DLGAP1: variants seen among roughly 807,000 people sequenced by gnomAD.
The protein encoded by DLGAP1 is disks large-associated protein 1.
A neutral mutation model predicts 90.8 loss-of-function variants in DLGAP1; 11 were observed. That is an observed-to-expected ratio of 0.12 (90% CI 0.08 to 0.20). The LOEUF (loss-of-function observed/expected upper bound fraction) is 0.20. Ranked by LOEUF, DLGAP1 falls within the 10% of genes least tolerant of loss-of-function variation. DLGAP1 has a pLI of 1.00. For missense variants in DLGAP1, 1,050 were observed against 1,333.8 expected, an observed-to-expected ratio of 0.79 and a Z score of 3.31; for synonymous variants, 558 against 540.7, an observed-to-expected ratio of 1.03 and a Z score of -0.44.
chr18:3,873,238 C>A (rs776075618), intron 4 of DLGAP1, among the ~76,000 whole-genome samples: 1 of 152,020 alleles, frequency 6.6e-6, no homozygotes, highest in East Asian at 1.9e-4. Flanking sequence ...CAGAATTCTG[C>A]TGCTGATCAC....
intron 4 of DLGAP1, among the ~76,000 whole-genome samples, chr18:3,851,215 A>G (rs1292315405): frequency 6.6e-6 from 1 of 152,106 alleles, no homozygotes. Flanking sequence ...ATCCAAGAGG[A>G]AAGTGCTGCA....
At chr18:4,386,989 T>C (rs2082241389) in intron 1 of DLGAP1, among the ~76,000 whole-genome samples, 1 of 152,066 alleles carries the variant, frequency 6.6e-6, no homozygotes, top group Admixed American at 6.6e-5. Context: ...TAAGTAAGAG[T>C]AAACTACCTT....
chr18:4,390,709 C>G (rs998595844), intron 1 of DLGAP1, among the ~76,000 whole-genome samples: 1 of 152,094 alleles, frequency 6.6e-6, no homozygotes, highest in African/African-American at 2.4e-5. Context: ...GAATAATATT[C>G]CACTGTCTGG....
intron 3 of DLGAP1, among the ~76,000 whole-genome samples, chr18:3,917,068 C>T (rs1042634177): frequency 3.9e-5 from 6 of 152,148 alleles, no homozygotes; most frequent in Non-Finnish European, 5.9e-5. Flanking sequence ...ACAAAATAGG[C>T]TTTGTGTTAG....
intron 2 of DLGAP1, among the ~76,000 whole-genome samples, chr18:4,038,297 T>G (rs577725774): frequency 6.6e-6 from 1 of 152,246 alleles, no homozygotes; most frequent in Non-Finnish European, 1.5e-5. Flanking sequence ...TTGCCAGAAT[T>G]GGTAACCTTT....
At chr18:4,361,129 G>T (rs1244628612) in intron 1 of DLGAP1, among the ~76,000 whole-genome samples, 2 of 152,122 alleles carry the variant, frequency 1.3e-5, no homozygotes, top group African/African-American at 4.8e-5. Flanking sequence ...AATTTCAGAA[G>T]AGGGCTTCAG....
intron 4 of DLGAP1, among the ~76,000 whole-genome samples, chr18:3,855,237 A>G (rs2069568512): frequency 6.6e-6 from 1 of 152,174 alleles, no homozygotes; most frequent in South Asian, 2.1e-4. Context: ...CATTAAGTAC[A>G]TATGGACACA....
At chr18:3,911,889 G>A (rs1195504427) in intron 3 of DLGAP1, among the ~76,000 whole-genome samples, 3 of 152,224 alleles carry the variant, frequency 2.0e-5, no homozygotes, top group Non-Finnish European at 2.9e-5. Context: ...GCATACAGCA[G>A]TGAAAAGTCA....
intron 3 of DLGAP1, among the ~76,000 whole-genome samples, chr18:3,968,166 T>C (rs2148998506): frequency 6.6e-6 from 1 of 152,328 alleles, no homozygotes; most frequent in South Asian, 2.1e-4. Flanking sequence ...GAGCATAAAT[T>C]TACTGGGACC....
intron 4 of DLGAP1, among the ~76,000 whole-genome samples, chr18:3,848,185 C>G (rs1281463497): frequency 1.4e-5 from 1 of 73,868 alleles, no homozygotes; most frequent in African/African-American, 5.6e-5. Flanking sequence ...ACAAAAAAGA[C>G]TTTTTAAAAG....
At chr18:4,146,720 T>C (rs115223782) in intron 2 of DLGAP1, among the ~76,000 whole-genome samples, 1,762 of 152,236 alleles carry the variant, frequency 0.012, 40 homozygotes, top group African/African-American at 0.04. Flanking sequence ...AATTATGAGA[T>C]ACATTAAAAA....
chr18:3,874,186 C>T (rs1408677643), intron 4 of DLGAP1: 36 of 1,550,010 alleles, frequency 2.3e-5, no homozygotes, highest in Non-Finnish European at 3.0e-5. Context: ...GAAACTTGCA[C>T]ACAAACTGAA....
At chr18:3,608,041 G>T (rs1315124815) in intron 7 of DLGAP1, 1 of 152,262 alleles carries the variant, frequency 6.6e-6, no homozygotes, top group African/African-American at 2.4e-5. Flanking sequence ...GGCCTAAGAA[G>T]ACCAGCTCAG....
chr18:4,174,489 C>A (rs2077074238), intron 1 of DLGAP1, among the ~76,000 whole-genome samples: 1 of 152,006 alleles, frequency 6.6e-6, no homozygotes, highest in African/African-American at 2.4e-5. Flanking sequence ...CGCCCACCAC[C>A]ACGCCCGGCT....
At chr18:4,401,597 C>T (rs1471014844) in intron 1 of DLGAP1, among the ~76,000 whole-genome samples, 1 of 152,096 alleles carries the variant, frequency 6.6e-6, no homozygotes, top group Non-Finnish European at 1.5e-5. Context: ...AAAGCATAAT[C>T]CCGTTGATCA....
At chr18:4,109,352 C>T (rs1035878033) in intron 2 of DLGAP1, among the ~76,000 whole-genome samples, 3 of 152,004 alleles carry the variant, frequency 2.0e-5, no homozygotes, top group Admixed American at 1.3e-4. Context: ...AGTGATATCT[C>T]CTCATCTTCA....
chr18:4,369,247 ATT>A (rs1225919075), intron 1 of DLGAP1, among the ~76,000 whole-genome samples: 4 of 152,126 alleles, frequency 2.6e-5, no homozygotes, highest in African/African-American at 9.7e-5. Context: ...ATATGTGTGT[ATT>A]TGACTATATA....
At chr18:3,915,860 A>G (rs2072131248) in intron 3 of DLGAP1, among the ~76,000 whole-genome samples, 1 of 152,110 alleles carries the variant, frequency 6.6e-6, no homozygotes, top group African/African-American at 2.4e-5. Context: ...GCTTTTAGGA[A>G]AGAATAGTAA....
intron 2 of DLGAP1, among the ~76,000 whole-genome samples, chr18:4,066,403 T>C (rs1365841823): frequency 1.3e-5 from 2 of 151,672 alleles, no homozygotes; most frequent in East Asian, 1.9e-4. Flanking sequence ...ACCTACAAAA[T>C]AGGGAAAAGT....
Sources: gnomAD v4.1 joint callset for allele counts (sites outside exome capture counted in the v4.1 genomes callset) on GRCh38, gnomAD v4.1.1 for gene constraint, MANE v1.5 for transcripts, NCBI Gene and HGNC (gene_info 2026-07-23, HGNC 2026-07-21) for gene names.